PODXL2: variants seen among roughly 807,000 people sequenced by gnomAD.
The protein encoded by PODXL2 is podocalyxin-like protein 2.
A neutral mutation model predicts 53.4 loss-of-function variants in PODXL2; 17 were observed. The ratio of observed to expected loss-of-function variants is 0.32; its 90% CI spans 0.22 to 0.48. The LOEUF (loss-of-function observed/expected upper bound fraction) is 0.48, where lower values mean the gene tolerates loss of function less well. PODXL2 is among the 20% of genes least tolerant of loss of function. The pLI, the probability that PODXL2 is intolerant of heterozygous loss-of-function variation, is 0.99. For missense variants in PODXL2, 673 were observed against 760.0 expected, an observed-to-expected ratio of 0.89 and a Z score of 1.35; for synonymous variants, 311 against 306.7, an observed-to-expected ratio of 1.01 and a Z score of -0.15.
In PODXL2 at chr3:127,639,178, C is replaced by G. The variant is rs894691457; in HGVS notation, c.71-67C>G. 9 of 1,471,816 alleles carry G rather than the reference C, an allele frequency of 6.1e-6. No individual in the cohort carries two copies. In the South Asian group the frequency reaches 9.6e-5, roughly 16 times the overall value. 91.2% of individuals were successfully genotyped at this position (1,471,816 alleles called of 1,614,324 possible). A position where few individuals can be genotyped will look rare whatever the true frequency, so the allele number is the denominator to read the frequency against. On this transcript the variant is annotated intron_variant, in intron 1 of 7. Coordinates refer to ENST00000342480, the MANE Select transcript of PODXL2 (RefSeq NM_015720.4). ...GGACCTTTGTCATTTGAGACATGCT[C>G]TAACCTGGCACCAGTCTTGTGTCTT... is the stretch of plus-strand genomic sequence containing the variant.
In PODXL2 at chr3:127,629,363, C is replaced by G; in HGVS notation, c.70+74C>G. On this transcript the variant is annotated intron_variant, in intron 1 of 7. Coordinates refer to ENST00000342480, the MANE Select transcript of PODXL2 (RefSeq NM_015720.4). The surrounding 1 kb of genome is among the most constrained non-coding windows in gnomAD (Gnocchi z 6.4). ...CGCGGTGCTGGACAGCTCCCCGGGC[C>G]GCCAACAAAGGGGCCAGAGTGCGGC... 2.0e-6 allele frequency: 2 copies of G among 996,914 alleles called. No homozygotes were observed. The highest frequency in any genetic ancestry group is 2.4e-6 in the Non-Finnish European group (2 of 837,558). 61.8% of individuals were successfully genotyped at this position (996,914 alleles called of 1,614,324 possible).
chr3:127,647,118 G>A (rs1233141569), intron 2 of PODXL2, among the ~76,000 whole-genome samples: 3 of 152,022 alleles, frequency 2.0e-5, no homozygotes, highest in African/African-American at 7.3e-5. Flanking sequence ...TTCTAATGTT[G>A]GCTTCAGTCT....
chr3:127,650,840 T>C (rs1334715280), intron 2 of PODXL2, among the ~76,000 whole-genome samples: 5 of 152,052 alleles, frequency 3.3e-5, no homozygotes, highest in Admixed American at 6.5e-5. Context: ...TTTGTATTTT[T>C]AGTAGAGACG....
At chr3:127,659,638 T>C (rs912659487) in intron 2 of PODXL2, among the ~76,000 whole-genome samples, 1 of 152,226 alleles carries the variant, frequency 6.6e-6, no homozygotes, top group East Asian at 1.9e-4. Context: ...CTAGGGTTCA[T>C]TGAAAAGCCA....
At chr3:127,671,880 G>A (rs529626493) in intron 7 of PODXL2, among the ~76,000 whole-genome samples, 2 of 152,232 alleles carry the variant, frequency 1.3e-5, no homozygotes, top group Non-Finnish European at 2.9e-5. Flanking sequence ...AGGCACTGCA[G>A]GGCCTGAGCA....
intron 2 of PODXL2, among the ~76,000 whole-genome samples, chr3:127,646,271 G>A (rs2074656569): frequency 6.6e-6 from 1 of 152,154 alleles, no homozygotes; most frequent in Admixed American, 6.5e-5. Context: ...TCAAACCCAA[G>A]TTATTAGACT....
At chr3:127,636,567 G>T (rs886229981) in intron 1 of PODXL2, among the ~76,000 whole-genome samples, 6 of 152,246 alleles carry the variant, frequency 3.9e-5, no homozygotes, top group Admixed American at 3.9e-4. Flanking sequence ...CTCTCTTTGA[G>T]TCAGGGATTC....
intron 4 of PODXL2, among the ~76,000 whole-genome samples, chr3:127,667,758 C>T (rs867371253): frequency 1.3e-4 from 20 of 152,244 alleles, no homozygotes; most frequent in South Asian, 2.1e-4. Flanking sequence ...ACACCCCTCC[C>T]TCTGTTCCAG....
Position 127,660,586 on chromosome 3 carries a change from G to A in PODXL2, c.558G>A (p.Glu186=), listed in dbSNP as rs1178284778. ...TAGAGAAACAAGAGGAGGAGGAAGA[G>A]GAGGAGCTGCTCCCTGTGAATGGAT... ...EEVEKQEEEE[E]EELLPVNGSQ... The change falls in exon 3 of 8, where the codon GAG becomes GAA. Residue 186 remains glutamate, a synonymous_variant. Transcript: ENST00000342480. 6.2e-7 allele frequency: 1 copy of A among 1,614,160 alleles called. No homozygotes were observed. Among genetic ancestry groups the A allele is most frequent in the African/African-American group, 1.3e-5 (1 of 75,038 alleles).
Position 127,639,253 on chromosome 3 carries a change from C to T in PODXL2, c.79C>T (p.Leu27=). 2 of 1,604,540 alleles carry T rather than the reference C, an allele frequency of 1.2e-6. No individual in the cohort carries two copies. The part of the protein sequence containing the change: ...LLLLLVGGAF[L]GACVAGSDEP... The stretch of plus-strand genomic sequence containing the variant: ...CTTTTATGTCTGCACAGGAGCGTTC[C>T]TGGGTGCCTGTGTGGCTGGGTCTGA... Residue 27 remains leucine (L), a synonymous_variant, in exon 2 of 8, where the codon CTG becomes TTG. Transcript: ENST00000342480.
At position 127,672,562 on chromosome 3, in the gene PODXL2, G is replaced by A; in HGVS notation, c.*82G>A. The A allele has an allele frequency of 1.1e-6, 1 of 929,616 alleles. No individual in the cohort carries two copies. The highest frequency in any genetic ancestry group is 1.5e-6 in the Non-Finnish European group (1 of 668,236). The allele number at this position is 929,616 out of a possible 1,614,324, so 57.6% of individuals were successfully genotyped here. A position where few individuals can be genotyped will look rare whatever the true frequency, so the allele number is the denominator to read the frequency against. Reference sequence around the variant, plus strand: ...AACGGACGGCCCGGAGCCCGCACCAGCCCCGCGCCTACCCGGGCCGCCCCC... The same window carrying A: ...AACGGACGGCCCGGAGCCCGCACCAACCCCGCGCCTACCCGGGCCGCCCCC... On this transcript the variant is annotated 3_prime_UTR_variant, in exon 8 of 8. Transcript: ENST00000342480.
rs554993471 is a variant in PODXL2 at position 127,662,168 on chromosome 3, G to A, written c.1132-69G>A. ...CCAGCTTCCCAAAAGGCCTCCGACC[G>A]GGGCTCTCTCCCCTGTCCCTTTCCT... On this transcript the variant is annotated intron_variant, in intron 3 of 7. Coordinates refer to ENST00000342480, the MANE Select transcript of PODXL2 (RefSeq NM_015720.4). 3.2e-5 allele frequency: 45 copies of A among 1,386,142 alleles called. No individual in the cohort carries two copies. The African/African-American group carries it at 3.8e-4, about 12-fold the overall frequency. 85.9% of individuals were successfully genotyped at this position (1,386,142 alleles called of 1,614,324 possible).
chr3:127,671,660 G>A, intron 7 of PODXL2, 47 bp downstream of exon 7: 1 of 1,565,950 alleles, frequency 6.4e-7, no homozygotes, highest in South Asian at 1.1e-5. Flanking sequence ...AGAGGAGAGT[G>A]CCCATCGATA....
At position 127,672,347 on chromosome 3, in the gene PODXL2, C is replaced by T; in HGVS notation, c.1685C>T (p.Ser562Leu). 1 of 1,550,272 alleles carries T rather than the reference C, an allele frequency of 6.5e-7. No individual in the cohort carries two copies. Among genetic ancestry groups the T allele is most frequent in the Non-Finnish European group, 8.7e-7 (1 of 1,147,982 alleles). The change falls in exon 8 of 8, where the codon TCG becomes TTG. Residue 562 changes from serine to leucine, a missense_variant. Ser to Leu is a moderately radical substitution (Grantham distance 145). Transcript: ENST00000342480. ...PTLDVASDSQ[S>L]EMQEKHPSLN... ...CTGGACGTGGCCAGCGACAGCCAGT[C>T]GGAGATGCAGGAGAAGCACCCCAGC...
At chr3:127,644,717 C>G in intron 2 of PODXL2, among the ~76,000 whole-genome samples, 1 of 152,214 alleles carries the variant, frequency 6.6e-6, no homozygotes, top group East Asian at 1.9e-4. Flanking sequence ...ATGCATAGGC[C>G]TTTGCCTCGA....
intron 2 of PODXL2, among the ~76,000 whole-genome samples, chr3:127,653,979 C>G (rs1394754290): frequency 1.3e-5 from 2 of 152,200 alleles, no homozygotes; most frequent in African/African-American, 4.8e-5. Flanking sequence ...TGATCAAAAT[C>G]AGGAAATTAA....
rs192002983 is a variant in PODXL2, at chr3:127,664,181, C to T, written c.1206+1870C>T. ...GCACCCACCATTCTCCTTGCACCCA[C>T]CATTCTCCTTTTGGTTTCTATGAAT... On this transcript the variant is annotated intron_variant, in intron 4 of 7. Transcript: ENST00000342480. Among the ~76,000 whole-genome samples, 256 of 152,290 alleles carry T rather than the reference C, an allele frequency of 1.7e-3. 1 individual carries two copies. Among genetic ancestry groups the T allele is most frequent in the African/African-American group, 5.9e-3 (246 of 41,546 alleles).
intron 1 of PODXL2, among the ~76,000 whole-genome samples, chr3:127,630,401 T>C (rs1257896412): frequency 1.3e-5 from 2 of 152,220 alleles, no homozygotes; most frequent in Non-Finnish European, 2.9e-5. Context: ...AATAGCGTCC[T>C]AGTATGATGT....
At chr3:127,657,204 G>A (rs1010755158) in intron 2 of PODXL2, among the ~76,000 whole-genome samples, 1 of 152,196 alleles carries the variant, frequency 6.6e-6, no homozygotes, top group Admixed American at 6.5e-5. Flanking sequence ...GGTGCCCTCT[G>A]GAGATGTTGA....
Sources: allele counts gnomAD v4.1 joint callset (sites outside exome capture counted in the v4.1 genomes callset), GRCh38; gene constraint gnomAD v4.1.1; non-coding constraint Gnocchi (gnomAD v3.1); transcripts MANE v1.5; gene names NCBI Gene and HGNC (gene_info 2026-07-23, HGNC 2026-07-21).